ABCC3: variants seen among roughly 807,000 people sequenced by gnomAD.
ABCC3 encodes the protein ATP binding cassette subfamily C member 3, also known as ATP-binding cassette sub-family C member 3.
In ABCC3, 121 loss-of-function variants were observed where a neutral mutation model predicts 165.3. That is an observed-to-expected ratio of 0.73 (90% CI 0.63 to 0.85). The LOEUF (loss-of-function observed/expected upper bound fraction) is 0.85. Ranked by LOEUF, ABCC3 falls within the 40% of genes least tolerant of loss-of-function variation. The probability of loss-of-function intolerance (pLI) is 0.00; values close to 1 mark genes in which losing one functional copy is unlikely to be tolerated. For missense variants in ABCC3, 1,869 were observed against 1,964.1 expected (o/e 0.95, Z 0.92); for synonymous variants, 733 against 810.1 (o/e 0.90, Z 1.62).
rs757592179 is a variant in ABCC3 at position 50,683,591 on chromosome 17, C to T, written c.3808-19C>T. On this transcript the variant is annotated intron_variant, in intron 26 of 30. Transcript: ENST00000285238. ...CTTCACTGGGCAGCTGATGTGACCC[C>T]ATCTGCCCCTCCTGCCAGGCGCCCT... The T allele has an allele frequency of 8.4e-6, 13 of 1,540,546 alleles. No individual in the cohort carries two copies. The Admixed American group carries it at 1.0e-4, about 12-fold the overall frequency.
At chr17:50,635,073 G>A (rs1227615515) in intron 1 of ABCC3, 92 bp downstream of exon 1, 5 of 1,221,334 alleles carry the variant, frequency 4.1e-6, no homozygotes, top group Non-Finnish European at 5.1e-6. Flanking sequence ...GGGGCCGGCA[G>A]GTATCCCGGG....
chr17:50,643,428 T>C (rs929783527), intron 1 of ABCC3: 9 of 421,894 alleles, frequency 2.1e-5, no homozygotes, highest in Non-Finnish European at 3.8e-5. Context: ...TAGGACAAGA[T>C]GTACATGGTA....
At position 50,673,642 on chromosome 17, in the gene ABCC3, G is replaced by A. The variant is rs1007823840; in HGVS notation, c.2583G>A (p.Leu861=). The A allele has an allele frequency of 2.5e-6, 4 of 1,614,132 alleles. No individual in the cohort carries two copies. The Admixed American group carries it at 5.0e-5, about 20-fold the overall frequency. Residue 861 remains leucine, a synonymous_variant, in exon 19 of 31, where the codon CTG becomes CTA. Coordinates refer to ENST00000285238, the MANE Select transcript of ABCC3 (RefSeq NM_003786.4). ...CCCCCGATGAGGACCAAGGGCACCT[G>A]GAGGACAGCTGGACCGGTATCTGCC... ...NYAPDEDQGH[L]EDSWTALEGA...
chr17:50,638,910 T>C (rs140047212), intron 1 of ABCC3, among the ~76,000 whole-genome samples: 1 of 152,298 alleles, frequency 6.6e-6, no homozygotes, highest in African/African-American at 2.4e-5. Context: ...AGTTGCCCAA[T>C]TTTGGAAGGA....
intron 1 of ABCC3, 108 bp downstream of exon 1, chr17:50,635,089 G>GC (rs2054166110): frequency 8.4e-7 from 1 of 1,189,426 alleles, no homozygotes; most frequent in Non-Finnish European, 1.1e-6. Context: ...CCGGGACGGA[G>GC]CCCCTGAGAC....
intron 14 of ABCC3, 76 bp from the exon 15 acceptor site, chr17:50,668,773 TCCCC>T: frequency 4.9e-6 from 6 of 1,234,810 alleles, no homozygotes; most frequent in Non-Finnish European, 5.9e-6. Context: ...TGTCCTCCTT[TCCCC>T]TGCCCCCCAG....
rs1967805235 is a variant in ABCC3, at chr17:50,676,278, G to C, written c.3068G>C (p.Gly1023Ala). The change falls in exon 23 of 31, where the codon GGG becomes GCG. Residue 1023 changes from glycine (G) to alanine (A), a missense_variant and splice_region_variant. Physicochemically the swap from Gly to Ala is moderately conservative, Grantham distance 60. Coordinates refer to ENST00000285238, the MANE Select transcript of ABCC3 (RefSeq NM_003786.4). Reference protein sequence around the residue: ...GVYAALGILQGFLVMLAAMAM... With the variant: ...GVYAALGILQAFLVMLAAMAM... ...CAGCGCCCTCTGCCTTCTCCAACAGGGTTCTTGGTGATGCTGGCAGCCATG... is the reference window on the plus strand; with the variant it reads ...CAGCGCCCTCTGCCTTCTCCAACAGCGTTCTTGGTGATGCTGGCAGCCATG... The C allele has an allele frequency of 1.9e-6, 3 of 1,611,050 alleles. No individual in the cohort carries two copies. The highest frequency in any genetic ancestry group is 1.7e-5 in the Admixed American group (1 of 59,940).
intron 8 of ABCC3, 160 bp from the exon 9 acceptor site, chr17:50,663,521 C>T: frequency 1.4e-6 from 1 of 731,258 alleles, no homozygotes; most frequent in Non-Finnish European, 2.2e-6. Flanking sequence ...GGTCTTGAGG[C>T]AGTACTGGGT....
At chr17:50,658,899 G>A (rs930357866) in intron 6 of ABCC3, among the ~76,000 whole-genome samples, 1 of 152,226 alleles carries the variant, frequency 6.6e-6, no homozygotes, top group Non-Finnish European at 1.5e-5. Flanking sequence ...CCACAGCACT[G>A]AGGAAGCACC....
At chr17:50,672,869 GGA>G in intron 17 of ABCC3, 100 bp from the exon 18 acceptor site, 1 of 1,062,684 alleles carries the variant, frequency 9.4e-7, no homozygotes, top group Admixed American at 2.6e-5. Flanking sequence ...CCCCATCTCA[GGA>G]AAAAAAAAAA....
chr17:50,656,664 T>G, intron 2 of ABCC3, 38 bp from the exon 3 acceptor site: 1 of 1,590,066 alleles, frequency 6.3e-7, no homozygotes, highest in Non-Finnish European at 8.6e-7. Flanking sequence ...TGTCCTTGCC[T>G]CTGGGGATGC....
chr17:50,666,324 A>G (rs1453018461), intron 11 of ABCC3, among the ~76,000 whole-genome samples: 2 of 152,036 alleles, frequency 1.3e-5, no homozygotes, highest in Non-Finnish European at 2.9e-5. Flanking sequence ...ATACAAAATT[A>G]GCCGGGCATG....
chr17:50,682,980 G>A (rs1255603607), intron 26 of ABCC3, among the ~76,000 whole-genome samples: 3 of 152,106 alleles, frequency 2.0e-5, no homozygotes, highest in Non-Finnish European at 2.9e-5. Flanking sequence ...TAGGCAGGAG[G>A]ATCCCTGGAG....
At chr17:50,662,046 CT>C (rs776588142) in intron 8 of ABCC3, 7 of 152,222 alleles carry the variant, frequency 4.6e-5, no homozygotes, top group Non-Finnish European at 1.0e-4. Flanking sequence ...TAAGGATATC[CT>C]TGAAAGATCT....
chr17:50,641,611 T>C (rs148502417), intron 1 of ABCC3, among the ~76,000 whole-genome samples: 1,726 of 152,324 alleles, frequency 0.011, 21 homozygotes, highest in South Asian at 0.036. Context: ...ATTCATTCTT[T>C]TGTTCAATAG....
Position 50,687,308 on chromosome 17 carries a change from A to G in ABCC3, c.4281-228A>G, listed in dbSNP as rs1027060033. ...AGGCCAAGGGTGCCAAGAGCAGACC[A>G]GGGATTTCACAATGCCTTTTAGCAC... On this transcript the variant is annotated intron_variant, in intron 29 of 30. Coordinates refer to ENST00000285238, the MANE Select transcript of ABCC3 (RefSeq NM_003786.4). 61 of 510,184 alleles carry G rather than the reference A, an allele frequency of 1.2e-4. 1 individual carries two copies. The South Asian group carries it at 1.8e-3, about 15-fold the overall frequency. 31.6% of individuals were successfully genotyped at this position (510,184 alleles called of 1,614,324 possible).
At chr17:50,635,508 CCTT>C (rs1235608224) in intron 1 of ABCC3, 3 of 702,460 alleles carry the variant, frequency 4.3e-6, no homozygotes, top group Admixed American at 2.0e-5. Flanking sequence ...TTTCCTGCCA[CCTT>C]CTTTTCTCTA....
At chr17:50,682,633 T>A (rs1328822774) in intron 26 of ABCC3, among the ~76,000 whole-genome samples, 1 of 152,290 alleles carries the variant, frequency 6.6e-6, no homozygotes, top group African/African-American at 2.4e-5. Flanking sequence ...TACTAAAGTC[T>A]GCCTCCTCCA....
chr17:50,677,564 T>C (rs1967845309), intron 23 of ABCC3, among the ~76,000 whole-genome samples, 180 bp from the exon 24 acceptor site: 1 of 149,932 alleles, frequency 6.7e-6, no homozygotes, highest in Non-Finnish European at 1.5e-5. Context: ...AGGGAGGGAG[T>C]GAATGACACA....
Sources: gnomAD v4.1 joint callset for allele counts (sites outside exome capture counted in the v4.1 genomes callset) on GRCh38, gnomAD v4.1.1 for gene constraint, MANE v1.5 for transcripts, NCBI Gene and HGNC (gene_info 2026-07-23, HGNC 2026-07-21) for gene names.